The following PUS10 variants were observed in gnomAD, a reference collection of about 807,000 sequenced individuals.
PUS10 encodes the protein pseudouridine synthase 10.
PUS10 carries 59 observed loss-of-function variants against 75.0 expected under a neutral mutation model. The ratio of observed to expected loss-of-function variants is 0.79; its 90% CI spans 0.64 to 0.98. The LOEUF (loss-of-function observed/expected upper bound fraction) is 0.98. Among genes scored for constraint, PUS10 ranks in the 50% least tolerant of loss-of-function variants. The pLI is 0.00. For missense variants in PUS10, 650 were observed against 614.4 expected (o/e 1.06, Z -0.61); for synonymous variants, 219 against 211.6 (o/e 1.03, Z -0.30).
At position 60,965,675 on chromosome 2, in the gene PUS10, T is replaced by A. The variant is rs933541047; in HGVS notation, c.616-191A>T. 14 of 441,170 alleles carry A rather than the reference T, an allele frequency of 3.2e-5. No individual in the cohort carries two copies. In the Middle Eastern group the frequency reaches 1.8e-3, roughly 56 times the overall value. The allele number at this position is 441,170 out of a possible 1,614,324, so 27.3% of individuals were successfully genotyped here. A position where few individuals can be genotyped will look rare whatever the true frequency, so the allele number is the denominator to read the frequency against. ...AAGGAAATAGTTTTGTTTTTTTTTT[T>A]AACTTCTAAAACTCAGTCATTAGTG... On this transcript the variant is annotated intron_variant, in intron 6 of 17. Transcript: ENST00000316752.
intron 15 of PUS10, among the ~76,000 whole-genome samples, chr2:60,949,138 T>TC (rs1675177654): frequency 6.6e-6 from 1 of 152,186 alleles, no homozygotes; most frequent in Admixed American, 6.5e-5. Flanking sequence ...TCCTCCTAAC[T>TC]CTGTGGTTTT....
At chr2:60,982,285 CAG>C (rs1484056406) in intron 4 of PUS10, among the ~76,000 whole-genome samples, 1 of 151,846 alleles carries the variant, frequency 6.6e-6, no homozygotes, top group East Asian at 1.9e-4. Context: ...TTTTTGGAGA[CAG>C]AGTCTTGCTC....
chr2:61,017,935 A>G (rs986988727), intron 1 of PUS10, 73 bp downstream of exon 1: 6 of 1,414,474 alleles, frequency 4.2e-6, no homozygotes, highest in Middle Eastern at 3.5e-4. Context: ...TTGTTAGTGG[A>G]GGTATTCCCT....
rs767771244 is a variant in PUS10, at chr2:61,008,663, T to C, written c.381+98A>G. On this transcript the variant is annotated intron_variant, in intron 3 of 17. Transcript: ENST00000316752. Reference sequence around the variant, plus strand: ...CAACAGAATGAGACCCAAAAAAGAATTGTCTTGTCTTGAAAAAAGGAAAGA... The same window carrying C: ...CAACAGAATGAGACCCAAAAAAGAACTGTCTTGTCTTGAAAAAAGGAAAGA... The C allele has an allele frequency of 1.4e-5, 14 of 1,029,812 alleles. No homozygotes were observed. In the Admixed American group the frequency reaches 1.5e-4, roughly 11 times the overall value. The allele number at this position is 1,029,812 out of a possible 1,614,324, so 63.8% of individuals were successfully genotyped here.
chr2:60,979,588 T>C (rs1677256253), intron 4 of PUS10, among the ~76,000 whole-genome samples: 2 of 152,206 alleles, frequency 1.3e-5, no homozygotes. Flanking sequence ...AAGGCTTGGA[T>C]GTCAGACGTG....
At chr2:60,984,959 G>C (rs1224842847) in intron 4 of PUS10, among the ~76,000 whole-genome samples, 1 of 152,182 alleles carries the variant, frequency 6.6e-6, no homozygotes, top group Non-Finnish European at 1.5e-5. Flanking sequence ...GAGAAAGAGA[G>C]AGACTAATGT....
intron 15 of PUS10, among the ~76,000 whole-genome samples, chr2:60,948,524 G>A (rs1401754381): frequency 6.6e-6 from 1 of 152,002 alleles, no homozygotes; most frequent in African/African-American, 2.4e-5. Context: ...ACTGCGCCCC[G>A]TCGAGTTTGC....
In PUS10 at chr2:61,018,212, GCGGCATTTGTCCAGCCA is replaced by G. The variant is rs1284014635; in HGVS notation, c.-237_-221del. 1.7e-5 allele frequency: 26 copies of G among 1,550,928 alleles called. No individual in the cohort carries two copies. Among genetic ancestry groups the G allele is most frequent in the Non-Finnish European group, 2.3e-5 (26 of 1,146,944 alleles). On this transcript the variant is annotated 5_prime_UTR_variant, in exon 1 of 18. It removes an upstream start codon present in the reference 5' UTR. Transcript: ENST00000316752. ...AGACTTTGGTCTGTAGCAGTTGAGAGCGGCATTTGTCCAGCCACGGCATCGACAGGGAGCAAAGTCTC... is the reference window on the plus strand; with the variant it reads ...AGACTTTGGTCTGTAGCAGTTGAGAGCGGCATCGACAGGGAGCAAAGTCTC...
Position 61,008,769 on chromosome 2 carries a change from T to C in PUS10, c.373A>G (p.Ile125Val), listed in dbSNP as rs1380157265. Residue 125 changes from isoleucine (I) to valine (V), a missense_variant, in exon 3 of 18, where the codon ATT becomes GTT. Transcript: ENST00000316752. The stretch of plus-strand genomic sequence containing the variant: ...AAAAACAGGTTATTTACCTTTTTAA[T>C]GAAATCTTTCTCACAGAATTCTTGA... ...ILQEFCEKDF[I>V]KKVCQKVEAS... is the part of the protein sequence containing the mutation. The C allele has an allele frequency of 1.3e-6, 2 of 1,575,332 alleles. No homozygotes were observed. The highest frequency in any genetic ancestry group is 2.3e-5 in the East Asian group (1 of 44,362).
chr2:60,983,813 A>T (rs572473175), intron 4 of PUS10, among the ~76,000 whole-genome samples: 1 of 152,228 alleles, frequency 6.6e-6, no homozygotes, highest in Admixed American at 6.5e-5. Context: ...TGACAAAACT[A>T]TCATTATTTG....
intron 4 of PUS10, among the ~76,000 whole-genome samples, chr2:60,988,676 C>T (rs1677878021): frequency 6.6e-6 from 1 of 152,154 alleles, no homozygotes; most frequent in African/African-American, 2.4e-5. Context: ...TGCTCTGTAG[C>T]CCAGGCTGGA....
chr2:60,944,615 C>A (rs1285856688), intron 17 of PUS10, among the ~76,000 whole-genome samples: 1 of 152,180 alleles, frequency 6.6e-6, no homozygotes, highest in Non-Finnish European at 1.5e-5. Flanking sequence ...TCACAGGGGT[C>A]CTTATAGAAC....
In PUS10 at chr2:61,008,764, T is replaced by G; in HGVS notation, c.378A>C (p.Lys126Asn). 6.4e-7 allele frequency: 1 copy of G among 1,570,724 alleles called. No individual in the cohort carries two copies. Among genetic ancestry groups the G allele is most frequent in the Non-Finnish European group, 8.7e-7 (1 of 1,155,032 alleles). ...TAATGAAAAACAGGTTATTTACCTTTTTAATGAAATCTTTCTCACAGAATT... is the reference window on the plus strand; with the variant it reads ...TAATGAAAAACAGGTTATTTACCTTGTTAATGAAATCTTTCTCACAGAATT... ...LQEFCEKDFI[K>N]KVCQKVEASG... The change falls in exon 3 of 18, where the codon AAA becomes AAC. Residue 126 changes from lysine to asparagine, a missense_variant. Transcript: ENST00000316752.
At chr2:61,012,808 T>C (rs1032722580) in intron 1 of PUS10, among the ~76,000 whole-genome samples, 3 of 110,086 alleles carry the variant, frequency 2.7e-5, no homozygotes, top group South Asian at 3.4e-4. Context: ...CACTCCAGCC[T>C]GGGCAACAAG....
intron 4 of PUS10, among the ~76,000 whole-genome samples, chr2:60,985,204 G>T (rs149330129): frequency 3.1e-4 from 47 of 152,088 alleles, no homozygotes; most frequent in African/African-American, 1.1e-3. Flanking sequence ...AAATTAAAAG[G>T]AATATTAGAT....
In PUS10 at chr2:60,958,874, A is replaced by T. The variant is rs963729510; in HGVS notation, c.1000+1518T>A. On this transcript the variant is annotated intron_variant, in intron 11 of 17. Transcript: ENST00000316752. ...ACACTAGAGCCTGGGCAACAAAGTA[A>T]GACTCTGTCTCAAAAAAAAAAGGTT... is the stretch of plus-strand genomic sequence containing the variant. Among the ~76,000 whole-genome samples, 5 of 152,168 alleles carry T rather than the reference A, an allele frequency of 3.3e-5. No individual in the cohort carries two copies. The South Asian group carries it at 6.2e-4, about 19-fold the overall frequency.
At chr2:60,970,654 C>G (rs571475517) in intron 5 of PUS10, among the ~76,000 whole-genome samples, 1 of 149,784 alleles carries the variant, frequency 6.7e-6, no homozygotes, top group Non-Finnish European at 1.5e-5. Context: ...AGAGCCTGGG[C>G]GGGGGAGGGG....
chr2:60,968,884 T>C (rs543904339), intron 5 of PUS10, among the ~76,000 whole-genome samples: 1 of 152,336 alleles, frequency 6.6e-6, no homozygotes, highest in African/African-American at 2.4e-5. Context: ...CTTCATAAAC[T>C]GTTCCTAATT....
intron 4 of PUS10, among the ~76,000 whole-genome samples, chr2:61,003,434 C>A (rs1443247311): frequency 6.7e-6 from 1 of 150,210 alleles, no homozygotes; most frequent in Non-Finnish European, 1.5e-5. Flanking sequence ...TGCACTCCAG[C>A]CTGGCTGACA....
Sources: allele counts gnomAD v4.1 joint callset (sites outside exome capture counted in the v4.1 genomes callset), GRCh38; gene constraint gnomAD v4.1.1; transcripts MANE v1.5; gene names NCBI Gene and HGNC (gene_info 2026-07-23, HGNC 2026-07-21).